Variants in EPHA3 observed in about 807,000 individuals in gnomAD.
EPHA3 encodes EPH receptor A3.
EPHA3 carries 42 observed loss-of-function variants against 107.1 expected under a neutral mutation model. The observed-to-expected ratio is 0.39, with a 90% CI of 0.31 to 0.51. The LOEUF is 0.51. EPHA3 is among the 20% of genes least tolerant of loss of function. EPHA3 has a pLI of 0.78. For missense variants in EPHA3, 1,183 were observed against 1,211.2 expected, an observed-to-expected ratio of 0.98 and a Z score of 0.35; for synonymous variants, 461 against 424.8, an observed-to-expected ratio of 1.09 and a Z score of -1.05.
intron 3 of EPHA3, among the ~76,000 whole-genome samples, chr3:89,285,357 T>C (rs1450351933): frequency 1.3e-5 from 2 of 152,180 alleles, no homozygotes; most frequent in Admixed American, 6.5e-5. Context: ...GGCAATTTTC[T>C]ATGCAATTGG....
At chr3:89,188,103 T>G (rs1337674587) in intron 2 of EPHA3, among the ~76,000 whole-genome samples, 1 of 152,222 alleles carries the variant, frequency 6.6e-6, no homozygotes, top group Non-Finnish European at 1.5e-5. Context: ...ATTTATTTTG[T>G]GATTTAATGA....
chr3:89,469,239 C>G (rs755254268), intron 15 of EPHA3, among the ~76,000 whole-genome samples: 4 of 152,032 alleles, frequency 2.6e-5, no homozygotes, highest in Non-Finnish European at 5.9e-5. Context: ...GAATCCTTCC[C>G]TTTCAACTTC....
intron 2 of EPHA3, among the ~76,000 whole-genome samples, chr3:89,132,753 G>T (rs577242156): frequency 2.0e-5 from 3 of 152,232 alleles, no homozygotes; most frequent in Non-Finnish European, 4.4e-5. Context: ...AGCCTGGAGT[G>T]GTGGCCTTCA....
In EPHA3 at chr3:89,431,171, G is replaced by C. The variant is rs200791821; in HGVS notation, c.2158G>C (p.Val720Leu). 1.2e-6 allele frequency: 2 copies of C among 1,613,594 alleles called. No homozygotes were observed. Among genetic ancestry groups the C allele is most frequent in the Non-Finnish European group, 8.5e-7 (1 of 1,179,876 alleles). ...CCAGAAACACGATGCCCAGTTTACT[G>C]TCATTCAGCTAGTGGGGATGCTTCG... ...FLRKHDAQFTVIQLVGMLRGI... is the reference protein window; with the variant it reads ...FLRKHDAQFTLIQLVGMLRGI... The change falls in exon 13 of 17, where the codon GTC becomes CTC. Residue 720 changes from valine to leucine, a missense_variant. Transcript: ENST00000336596.
chr3:89,413,892 G>T (rs1408771433), intron 10 of EPHA3, among the ~76,000 whole-genome samples: 1 of 151,386 alleles, frequency 6.6e-6, no homozygotes, highest in Admixed American at 6.6e-5. Flanking sequence ...ATATTTATAA[G>T]AAAAATTTCA....
intron 13 of EPHA3, among the ~76,000 whole-genome samples, chr3:89,442,633 C>T (rs1709807202): frequency 6.6e-6 from 1 of 152,124 alleles, no homozygotes. Context: ...CTAGAGAAAC[C>T]TTGCCTACAA....
intron 5 of EPHA3, among the ~76,000 whole-genome samples, chr3:89,374,242 AT>A (rs1216069815): frequency 1.3e-5 from 2 of 151,960 alleles, no homozygotes. Context: ...ATCTTGAGGC[AT>A]TTTTAAGAGG....
At chr3:89,390,497 G>A (rs537607542) in intron 5 of EPHA3, among the ~76,000 whole-genome samples, 1 of 151,862 alleles carries the variant, frequency 6.6e-6, no homozygotes, top group South Asian at 2.1e-4. Context: ...CTACTCGGGA[G>A]GTTGAGGCAG....
chr3:89,241,365 C>T (rs1449277492), intron 3 of EPHA3, among the ~76,000 whole-genome samples: 2 of 152,146 alleles, frequency 1.3e-5, no homozygotes, highest in Non-Finnish European at 2.9e-5. Context: ...TGGCATTTGC[C>T]ACTGACTGAA....
intron 2 of EPHA3, among the ~76,000 whole-genome samples, chr3:89,197,542 A>G (rs1705867478): frequency 6.6e-6 from 1 of 152,134 alleles, no homozygotes; most frequent in South Asian, 2.1e-4. Context: ...AAAAGATAAT[A>G]GTGAAAAGAA....
intron 5 of EPHA3, among the ~76,000 whole-genome samples, chr3:89,362,834 C>A (rs1708120863): frequency 6.6e-6 from 1 of 150,924 alleles, no homozygotes; most frequent in African/African-American, 2.4e-5. Context: ...AGTTTTACTT[C>A]TTCCCAGTTA....
intron 1 of EPHA3, among the ~76,000 whole-genome samples, chr3:89,123,428 C>T (rs1219134265): frequency 5.9e-5 from 9 of 152,150 alleles, no homozygotes; most frequent in Non-Finnish European, 8.8e-5. Context: ...CAGGCATGAG[C>T]CACCGCGCCC....
At chr3:89,219,700 TTTGTTTTTTG>T (rs1333708246) in intron 3 of EPHA3, among the ~76,000 whole-genome samples, 447 of 7,772 alleles carry the variant, frequency 0.058, 109 homozygotes, top group South Asian at 0.19. Context: ...TTTTTTTTTT[TTTGTTTTTTG>T]TTTTTTTTTT....
intron 7 of EPHA3, 162 bp downstream of exon 7, chr3:89,399,642 A>G: frequency 8.5e-6 from 11 of 1,299,026 alleles, no homozygotes; most frequent in Non-Finnish European, 1.1e-5. Context: ...TGTATACAGT[A>G]TTTGTGTTTG....
chr3:89,439,639 CTG>C (rs1709743187), intron 13 of EPHA3, among the ~76,000 whole-genome samples: 1 of 151,174 alleles, frequency 6.6e-6, no homozygotes, highest in South Asian at 2.1e-4. Flanking sequence ...ATTTTAAAAA[CTG>C]GAGATTGAAT....
At position 89,472,592 on chromosome 3, in the gene EPHA3, G is replaced by A; in HGVS notation, c.2819G>A (p.Cys940Tyr). 6.2e-6 allele frequency: 10 copies of A among 1,612,576 alleles called. No individual in the cohort carries two copies. The highest frequency in any genetic ancestry group is 8.5e-6 in the Non-Finnish European group (10 of 1,179,162). ...TTCACGGGTGTGGAGTACAGTTCTTGTGACACAATAGCCAAGATTTCCACA... is the reference window on the plus strand; with the variant it reads ...TTCACGGGTGTGGAGTACAGTTCTTATGACACAATAGCCAAGATTTCCACA... ...EIFTGVEYSS[C>Y]DTIAKISTDD... The change falls in exon 16 of 17, where the codon TGT becomes TAT. Residue 940 changes from cysteine to tyrosine, a missense_variant. Cys to Tyr is a radical substitution (Grantham distance 194). Coordinates refer to ENST00000336596, the MANE Select transcript of EPHA3 (RefSeq NM_005233.6).
intron 5 of EPHA3, among the ~76,000 whole-genome samples, chr3:89,380,870 G>A (rs1341488809): frequency 6.6e-6 from 1 of 151,730 alleles, no homozygotes; most frequent in Non-Finnish European, 1.5e-5. Flanking sequence ...CTGGGTTCAA[G>A]CAATTCGCCT....
intron 3 of EPHA3, among the ~76,000 whole-genome samples, chr3:89,275,144 C>T (rs542649953): frequency 9.2e-5 from 14 of 151,952 alleles, no homozygotes; most frequent in South Asian, 4.1e-4. Flanking sequence ...ATAATTTTTC[C>T]GCTACATCAG....
At chr3:89,358,284 A>T (rs1234580383) in intron 5 of EPHA3, among the ~76,000 whole-genome samples, 3 of 151,174 alleles carry the variant, frequency 2.0e-5, no homozygotes. Context: ...GCTGCTTATT[A>T]AGTGATCAAT....
Sources: gnomAD v4.1 joint callset for allele counts (sites outside exome capture counted in the v4.1 genomes callset) on GRCh38, gnomAD v4.1.1 for gene constraint, MANE v1.5 for transcripts, NCBI Gene and HGNC (gene_info 2026-07-23, HGNC 2026-07-21) for gene names.